PAWR: variants seen among roughly 807,000 people sequenced by gnomAD.
The protein encoded by PAWR is pro-apoptotic WT1 regulator.
Under a neutral mutation model 32.0 loss-of-function variants are expected in PAWR, and 23 were observed. That is an observed-to-expected ratio of 0.72 (90% CI 0.52 to 1.02). PAWR has a LOEUF of 1.02. PAWR is among the 50% of genes least tolerant of loss of function. The pLI is 0.00. For missense variants in PAWR, 457 were observed against 437.7 expected (o/e 1.04, Z -0.39); for synonymous variants, 226 against 187.1 (o/e 1.21, Z -1.70).
At chr12:79,616,990 C>A (rs1874770242) in intron 3 of PAWR, among the ~76,000 whole-genome samples, 1 of 152,082 alleles carries the variant, frequency 6.6e-6, no homozygotes, top group African/African-American at 2.4e-5. Flanking sequence ...CGAGTTTATT[C>A]CTTATTGGTG....
At chr12:79,644,705 A>G (rs1876489239) in intron 2 of PAWR, among the ~76,000 whole-genome samples, 1 of 152,168 alleles carries the variant, frequency 6.6e-6, no homozygotes, top group Non-Finnish European at 1.5e-5. Context: ...TAAAAATCCA[A>G]GGTAAAGAAA....
Position 79,603,397 on chromosome 12 carries a change from T to C in PAWR, c.684-6739A>G, listed in dbSNP as rs1441359538. Among the ~76,000 whole-genome samples the C allele has an allele frequency of 3.3e-5, 5 of 152,004 alleles. No homozygotes were observed. The South Asian group carries it at 8.3e-4, about 25-fold the overall frequency. The stretch of plus-strand genomic sequence containing the variant: ...AAGGTATCACTAAAGCCATACCATA[T>C]TATAGAAGACCATTAGAAGCATTTT... On this transcript the variant is annotated intron_variant, in intron 4 of 6. Coordinates refer to ENST00000328827, the MANE Select transcript of PAWR (RefSeq NM_002583.4).
chr12:79,689,532 C>T (rs780906235), intron 2 of PAWR, among the ~76,000 whole-genome samples, 197 bp downstream of exon 2: 13 of 152,196 alleles, frequency 8.5e-5, no homozygotes, highest in Non-Finnish European at 1.8e-4. Flanking sequence ...ACGTGTCCTA[C>T]TCTGAGTTTG....
intron 2 of PAWR, among the ~76,000 whole-genome samples, chr12:79,674,251 A>G (rs1450161200): frequency 6.6e-6 from 1 of 152,122 alleles, no homozygotes; most frequent in African/African-American, 2.4e-5. Flanking sequence ...ATAAAGCTGC[A>G]CACCTACAAC....
chr12:79,678,550 T>C (rs1211316167), intron 2 of PAWR, among the ~76,000 whole-genome samples: 3 of 152,254 alleles, frequency 2.0e-5, no homozygotes, highest in Admixed American at 6.5e-5. Context: ...CATAACTTCT[T>C]TGAGGCTCAA....
rs1873423925 is a variant in PAWR, at chr12:79,587,656, A to C, written c.*4951T>G. 1 of 152,014 alleles carries C rather than the reference A, an allele frequency of 6.6e-6. No homozygotes were observed. 9.4% of individuals were successfully genotyped at this position (152,014 alleles called of 1,614,324 possible). ...TCCACCTAAAATAATATACCAAATA[A>C]AGATTTTTAAAGTGCTGCATATGGT... On this transcript the variant is annotated 3_prime_UTR_variant, in exon 7 of 7. Transcript: ENST00000328827.
At chr12:79,668,721 G>A (rs1877735542) in intron 2 of PAWR, among the ~76,000 whole-genome samples, 1 of 152,186 alleles carries the variant, frequency 6.6e-6, no homozygotes, top group African/African-American at 2.4e-5. Context: ...GCAAGCGATG[G>A]GGAATGGCTG....
intron 5 of PAWR, among the ~76,000 whole-genome samples, chr12:79,595,821 C>T (rs1592488967): frequency 6.6e-6 from 1 of 152,050 alleles, no homozygotes; most frequent in Admixed American, 6.6e-5. Flanking sequence ...CATTGTACTC[C>T]AGCTTAGGCA....
chr12:79,664,292 A>C (rs1877493895), intron 2 of PAWR, among the ~76,000 whole-genome samples: 1 of 152,168 alleles, frequency 6.6e-6, no homozygotes, highest in Non-Finnish European at 1.5e-5. Context: ...CAATGATCGG[A>C]GTGATCCTCT....
At position 79,621,079 on chromosome 12, in the gene PAWR, T is replaced by C; in HGVS notation, c.645A>G (p.Leu215=). The part of the protein sequence containing the change: ...NLLDPGSSYL[L]QEPPRTVSGR... The stretch of plus-strand genomic sequence containing the variant: ...CCTGGTATTTTTAAATACTCACCTG[T>C]AGCAGATAGGAACTGCCTGGATCTA... Residue 215 remains leucine (L), a synonymous_variant, in exon 3 of 7, where the codon CTA becomes CTG. Transcript: ENST00000328827. 5 of 1,595,766 alleles carry C rather than the reference T, an allele frequency of 3.1e-6. No homozygotes were observed. The highest frequency in any genetic ancestry group is 4.3e-6 in the Non-Finnish European group (5 of 1,173,372).
intron 2 of PAWR, among the ~76,000 whole-genome samples, chr12:79,687,516 C>A (rs1878740244): frequency 6.6e-6 from 1 of 152,016 alleles, no homozygotes; most frequent in South Asian, 2.1e-4. Flanking sequence ...GAGTCTTACT[C>A]GACATTAGAT....
At position 79,689,877 on chromosome 12, in the gene PAWR, G is replaced by C. The variant is rs1347154491; in HGVS notation, c.368C>G (p.Pro123Arg). The change falls in exon 2 of 7, where the codon CCC becomes CGC. Residue 123 changes from proline (P) to arginine (R), a missense_variant. Coordinates refer to ENST00000328827, the MANE Select transcript of PAWR (RefSeq NM_002583.4). ...PAASASAAPP[P>R]QRDEEEPDGV... ...GTCCGGCTCCTCCTCGTCACGCTGGGGCGGCGGTGCAGCCGAGGCAGAGGC... is the reference window on the plus strand; with the variant it reads ...GTCCGGCTCCTCCTCGTCACGCTGGCGCGGCGGTGCAGCCGAGGCAGAGGC... The C allele has an allele frequency of 6.4e-7, 1 of 1,558,398 alleles. No homozygotes were observed. Among genetic ancestry groups the C allele is most frequent in the Non-Finnish European group, 8.7e-7 (1 of 1,153,020 alleles).
chr12:79,685,618 C>A (rs1449879108), intron 2 of PAWR, among the ~76,000 whole-genome samples: 2 of 152,106 alleles, frequency 1.3e-5, no homozygotes, highest in Non-Finnish European at 2.9e-5. Context: ...TTTCTGACCA[C>A]TAGCCAAAAA....
chr12:79,685,980 C>T (rs1878662477), intron 2 of PAWR, among the ~76,000 whole-genome samples: 1 of 152,104 alleles, frequency 6.6e-6, no homozygotes, highest in South Asian at 2.1e-4. Context: ...TTCATTTTCT[C>T]CTCTGGAAAT....
At chr12:79,644,851 T>A (rs912481468) in intron 2 of PAWR, among the ~76,000 whole-genome samples, 5 of 152,056 alleles carry the variant, frequency 3.3e-5, no homozygotes, top group Non-Finnish European at 7.4e-5. Flanking sequence ...CTCAGACACC[T>A]CAGACAAACT....
intron 4 of PAWR, among the ~76,000 whole-genome samples, chr12:79,601,995 C>T (rs1873980332): frequency 6.6e-6 from 1 of 152,156 alleles, no homozygotes; most frequent in South Asian, 2.1e-4. Flanking sequence ...CAGTTAAACA[C>T]TTGATTTTCT....
intron 2 of PAWR, among the ~76,000 whole-genome samples, chr12:79,632,684 T>G (rs1223998538): frequency 6.6e-6 from 1 of 151,742 alleles, no homozygotes; most frequent in Non-Finnish European, 1.5e-5. Context: ...GGCCCTTTAA[T>G]TTTTAGCAAA....
chr12:79,617,620 T>C (rs1196194983), intron 3 of PAWR, among the ~76,000 whole-genome samples: 1 of 152,190 alleles, frequency 6.6e-6, no homozygotes, highest in African/African-American at 2.4e-5. Context: ...TTATTTTTAA[T>C]TGACAAATAA....
intron 2 of PAWR, among the ~76,000 whole-genome samples, chr12:79,663,719 C>A (rs923412317): frequency 6.6e-6 from 1 of 151,874 alleles, no homozygotes; most frequent in Non-Finnish European, 1.5e-5. Context: ...ATGATCTGCA[C>A]CACTATACTC....
Sources: gnomAD v4.1 joint callset for allele counts (sites outside exome capture counted in the v4.1 genomes callset) on GRCh38, gnomAD v4.1.1 for gene constraint, MANE v1.5 for transcripts, NCBI Gene and HGNC (gene_info 2026-07-23, HGNC 2026-07-21) for gene names.